Variants in AGBL4 observed in about 807,000 individuals in gnomAD.
AGBL4 encodes the protein AGBL carboxypeptidase 4.
AGBL4 carries 58 observed loss-of-function variants against 66.4 expected under a neutral mutation model. The ratio of observed to expected loss-of-function variants is 0.87; its 90% CI spans 0.71 to 1.09. The LOEUF (loss-of-function observed/expected upper bound fraction) is 1.09, where lower values mean the gene tolerates loss of function less well. AGBL4 is among the 50% of genes least tolerant of loss of function. The pLI, the probability that AGBL4 is intolerant of heterozygous loss-of-function variation, is 0.00. For synonymous variants in AGBL4, 234 were observed against 222.9 expected (o/e 1.05, Z -0.44); for missense variants, 579 against 631.0 (o/e 0.92, Z 0.88).
intron 2 of AGBL4, among the ~76,000 whole-genome samples, chr1:49,792,151 T>A (rs1255379458): frequency 6.6e-6 from 1 of 152,094 alleles, no homozygotes; most frequent in African/African-American, 2.4e-5. Flanking sequence ...TGGTATTACA[T>A]CACAAAGTAA....
intron 6 of AGBL4, among the ~76,000 whole-genome samples, chr1:48,744,983 A>G (rs945435068): frequency 9.2e-6 from 1 of 108,344 alleles, no homozygotes; most frequent in East Asian, 2.0e-4. Context: ...CTTGATTGTC[A>G]TCACTCCCAG....
rs182118169 is a variant in AGBL4, at chr1:49,911,383, C to T, written c.35-59865G>A. ...TCACTCCTACAGATGGTGGAATAAA[C>T]GGCAGGCAAGTTCAAAATCACATAT... is the stretch of plus-strand genomic sequence containing the variant. On this transcript the variant is annotated intron_variant, in intron 1 of 13. Transcript: ENST00000371839. 6.0e-4 allele frequency among the ~76,000 whole-genome samples: 92 copies of T among 152,268 alleles called. No individual in the cohort carries two copies. In the East Asian group the frequency reaches 0.016, roughly 26 times the overall value.
chr1:48,549,995 G>A (rs531879097), intron 11 of AGBL4, among the ~76,000 whole-genome samples: 36 of 152,254 alleles, frequency 2.4e-4, no homozygotes, highest in African/African-American at 7.9e-4. Context: ...AGATAGGGAC[G>A]GGAAGGGAGG....
intron 6 of AGBL4, among the ~76,000 whole-genome samples, chr1:48,679,170 T>C (rs1337682575): frequency 6.6e-6 from 1 of 152,220 alleles, no homozygotes; most frequent in Non-Finnish European, 1.5e-5. Context: ...CTTCTGATTT[T>C]AGGGTAACAT....
intron 2 of AGBL4, among the ~76,000 whole-genome samples, chr1:49,789,978 C>G (rs1292872071): frequency 6.6e-6 from 1 of 152,270 alleles, no homozygotes; most frequent in East Asian, 1.9e-4. Context: ...GTACCAAAAA[C>G]AGATATATAG....
intron 6 of AGBL4, among the ~76,000 whole-genome samples, chr1:48,686,113 A>T (rs757965452): frequency 2.6e-5 from 4 of 152,218 alleles, no homozygotes; most frequent in Non-Finnish European, 4.4e-5. Flanking sequence ...AAAACTGAGC[A>T]TCAGAAAGGG....
At chr1:48,701,377 TCA>T (rs35080699) in intron 6 of AGBL4, among the ~76,000 whole-genome samples, 144,032 of 152,152 alleles carry the variant, frequency 0.95, 68,655 homozygotes, top group East Asian at 1. Context: ...ATTTTGGTTC[TCA>T]GTTTCTTCAT....
At chr1:48,705,992 G>C (rs1646875809) in intron 6 of AGBL4, among the ~76,000 whole-genome samples, 1 of 152,068 alleles carries the variant, frequency 6.6e-6, no homozygotes, top group Non-Finnish European at 1.5e-5. Context: ...AAGTGAATTT[G>C]GTTGTTTCCA....
chr1:49,908,075 T>C (rs994092662), intron 1 of AGBL4, among the ~76,000 whole-genome samples: 1 of 152,158 alleles, frequency 6.6e-6, no homozygotes, highest in Admixed American at 6.5e-5. Flanking sequence ...TAAAACTTTG[T>C]TAAGAAAGTG....
chr1:49,530,265 AAAAAAAAC>A (rs971870196), intron 3 of AGBL4, among the ~76,000 whole-genome samples: 3 of 141,068 alleles, frequency 2.1e-5, no homozygotes, highest in Admixed American at 7.0e-5. Flanking sequence ...TTTGTAAAAA[AAAAAAAAC>A]AAAAAAAAAC....
chr1:48,546,808 GAC>G (rs775523661), intron 11 of AGBL4, among the ~76,000 whole-genome samples: 2 of 150,460 alleles, frequency 1.3e-5, no homozygotes, highest in Non-Finnish European at 2.9e-5. Context: ...ACAAAACCAA[GAC>G]AATGGTTCTT....
intron 3 of AGBL4, among the ~76,000 whole-genome samples, chr1:49,650,118 C>A (rs898883524): frequency 6.6e-6 from 1 of 152,096 alleles, no homozygotes; most frequent in African/African-American, 2.4e-5. Context: ...TTTCCTTGTT[C>A]TTTTTTTCCC....
intron 2 of AGBL4, among the ~76,000 whole-genome samples, chr1:49,769,687 A>T (rs982365515): frequency 6.6e-6 from 1 of 152,124 alleles, no homozygotes; most frequent in Non-Finnish European, 1.5e-5. Flanking sequence ...TAATCTTTGA[A>T]AAAGCCAACA....
chr1:48,670,029 A>G (rs1646252114), intron 6 of AGBL4, among the ~76,000 whole-genome samples: 1 of 152,200 alleles, frequency 6.6e-6, no homozygotes, highest in Admixed American at 6.5e-5. Context: ...GGAAGAAGAG[A>G]ACAGGAATTA....
chr1:49,318,715 T>C (rs530831026), intron 3 of AGBL4, among the ~76,000 whole-genome samples: 12 of 152,136 alleles, frequency 7.9e-5, no homozygotes, highest in South Asian at 2.1e-4. Flanking sequence ...TGAAGCCAGA[T>C]TGAAAGGCAG....
chr1:49,595,634 C>G (rs1644838135), intron 3 of AGBL4, among the ~76,000 whole-genome samples: 1 of 151,100 alleles, frequency 6.6e-6, no homozygotes, highest in Non-Finnish European at 1.5e-5. Context: ...AATGGTGTTT[C>G]TTTTGGATGT....
At chr1:49,040,080 CAT>C (rs1302825014) in intron 5 of AGBL4, among the ~76,000 whole-genome samples, 1 of 151,938 alleles carries the variant, frequency 6.6e-6, no homozygotes, top group Non-Finnish European at 1.5e-5. Context: ...ATTTGCAAAA[CAT>C]ATATCTGACA....
At chr1:48,896,345 G>C (rs1471850161) in intron 5 of AGBL4, among the ~76,000 whole-genome samples, 1 of 152,118 alleles carries the variant, frequency 6.6e-6, no homozygotes, top group Non-Finnish European at 1.5e-5. Context: ...TTCTCTTCTC[G>C]AGCTTCAGTT....
At chr1:49,015,405 T>A (rs1662738006) in intron 5 of AGBL4, among the ~76,000 whole-genome samples, 1 of 149,890 alleles carries the variant, frequency 6.7e-6, no homozygotes, top group Non-Finnish European at 1.5e-5. Flanking sequence ...TTTATCTAGA[T>A]GATAGGATTT....
Sources: allele counts gnomAD v4.1 joint callset (sites outside exome capture counted in the v4.1 genomes callset), GRCh38; gene constraint gnomAD v4.1.1; transcripts MANE v1.5; gene names NCBI Gene and HGNC (gene_info 2026-07-23, HGNC 2026-07-21).